Variants in CCL22 observed in about 807,000 individuals in gnomAD.
CCL22 encodes the protein C-C motif chemokine ligand 22.
In CCL22, 7 loss-of-function variants were observed where a neutral mutation model predicts 7.6. That is an observed-to-expected ratio of 0.92 (90% CI 0.52 to 1.72). CCL22 has a LOEUF of 1.72. CCL22 is among the 40% of genes most tolerant of loss of function. CCL22 has a pLI of 0.00. For missense variants in CCL22, 115 were observed against 124.7 expected, an observed-to-expected ratio of 0.92 and a Z score of 0.37; for synonymous variants, 55 against 47.2, an observed-to-expected ratio of 1.17 and a Z score of -0.68.
rs933304717 is a variant in CCL22 at position 57,364,523 on chromosome 16, C to A, written c.*935C>A. On this transcript the variant is annotated 3_prime_UTR_variant, in exon 3 of 3. Coordinates refer to ENST00000219235, the MANE Select transcript of CCL22 (RefSeq NM_002990.5). ...GATGGAGTTTCGCTCTTGTCACCCA[C>A]GCTGGAGTGCAATGGTGTGGTCTTG... 8 of 149,264 alleles carry A rather than the reference C, an allele frequency of 5.4e-5. No individual in the cohort carries two copies. The highest frequency in any genetic ancestry group is 1.0e-4 in the Non-Finnish European group (7 of 67,668). 9.2% of individuals were successfully genotyped at this position (149,264 alleles called of 1,614,324 possible). A position where few individuals can be genotyped will look rare whatever the true frequency, so the allele number is the denominator to read the frequency against.
chr16:57,360,968 A>G (rs936720290), intron 2 of CCL22, among the ~76,000 whole-genome samples: 4 of 150,326 alleles, frequency 2.7e-5, no homozygotes, highest in Non-Finnish European at 6.0e-5. Context: ...CTGGGCAAAA[A>G]TGGATGGTGA....
Position 57,363,714 on chromosome 16 carries a change from CCTGTGG to C in CCL22, c.*131_*136del, listed in dbSNP as rs1902074676. The C allele has an allele frequency of 6.0e-6, 4 of 671,456 alleles. No homozygotes were observed. The highest frequency in any genetic ancestry group is 1.1e-5 in the Non-Finnish European group (4 of 375,548). The allele number at this position is 671,456 out of a possible 1,614,324, so 41.6% of individuals were successfully genotyped here. On this transcript the variant is annotated 3_prime_UTR_variant, in exon 3 of 3. Transcript: ENST00000219235. ...CTCTCTGCATTCCCTGATCTCCATC[CCTGTGG>C]CTGTCACCCTTGGTCACCTCCGTGC... is the stretch of plus-strand genomic sequence containing the variant.
intron 2 of CCL22, among the ~76,000 whole-genome samples, chr16:57,362,751 C>T (rs1230981961): frequency 6.6e-6 from 1 of 152,036 alleles, no homozygotes; most frequent in Non-Finnish European, 1.5e-5. Context: ...ATCCCGGCTA[C>T]TCGGGAGCCT....
intron 1 of CCL22, 55 bp from the exon 2 acceptor site, chr16:57,360,382 G>T (rs567028710): frequency 1.2e-6 from 2 of 1,606,308 alleles, no homozygotes; most frequent in South Asian, 1.1e-5. Flanking sequence ...GGCTGGGGCC[G>T]AGGGTGACCT....
At chr16:57,361,193 A>T (rs1274257312) in intron 2 of CCL22, among the ~76,000 whole-genome samples, 1 of 145,122 alleles carries the variant, frequency 6.9e-6, no homozygotes, top group African/African-American at 2.6e-5. Flanking sequence ...TGGAAGGTGG[A>T]GGTTGCAGTG....
At chr16:57,359,467 C>A (rs1167446388) in intron 1 of CCL22, among the ~76,000 whole-genome samples, 1 of 151,248 alleles carries the variant, frequency 6.6e-6, no homozygotes, top group Admixed American at 6.6e-5. Flanking sequence ...AGGCATGCAC[C>A]ACCACACCTG....
In CCL22 at chr16:57,360,481, T is replaced by A; in HGVS notation, c.118T>A (p.Tyr40Asn). Residue 40 changes from tyrosine (Y) to asparagine (N), a missense_variant, in exon 2 of 3, where the codon TAC becomes AAC. Coordinates refer to ENST00000219235, the MANE Select transcript of CCL22 (RefSeq NM_002990.5). Reference sequence around the variant, plus strand: ...GGAAGACAGCGTCTGCTGCCGTGATTACGTCCGTTACCGTCTGCCCCTGCG... The same window carrying A: ...GGAAGACAGCGTCTGCTGCCGTGATAACGTCCGTTACCGTCTGCCCCTGCG... ...NMEDSVCCRDYVRYRLPLRVV... is the reference protein window; with the variant it reads ...NMEDSVCCRDNVRYRLPLRVV... 6.2e-7 allele frequency: 1 copy of A among 1,614,224 alleles called. No homozygotes were observed. The highest frequency in any genetic ancestry group is 8.5e-7 in the Non-Finnish European group (1 of 1,180,022).
intron 1 of CCL22, among the ~76,000 whole-genome samples, chr16:57,359,281 T>C (rs1188484129): frequency 2.0e-5 from 3 of 152,104 alleles, no homozygotes; most frequent in Non-Finnish European, 4.4e-5. Context: ...CCACCATCCA[T>C]TTTTTAAAAT....
Position 57,358,853 on chromosome 16 carries a change from GTCC to G in CCL22, c.42_44del (p.Leu15del). The G allele has an allele frequency of 1.2e-6, 2 of 1,613,868 alleles. No homozygotes were observed. The highest frequency in any genetic ancestry group is 1.7e-6 in the Non-Finnish European group (2 of 1,179,952). ...ACAGACTGCACTCCTGGTTGTCCTC[GTCC>G]TCCTTGCTGTGGCGCTTCAAGCAAC... On this transcript the variant is annotated inframe_deletion, in exon 1 of 3. Transcript: ENST00000219235.
chr16:57,362,846 G>A (rs1256101900), intron 2 of CCL22, among the ~76,000 whole-genome samples: 2 of 148,300 alleles, frequency 1.3e-5, no homozygotes, highest in Non-Finnish European at 3.0e-5. Flanking sequence ...GGGTGACAGA[G>A]ACTCCATCTC....
At chr16:57,361,647 C>T (rs1417396733) in intron 2 of CCL22, among the ~76,000 whole-genome samples, 3 of 152,222 alleles carry the variant, frequency 2.0e-5, no homozygotes, top group Non-Finnish European at 4.4e-5. Context: ...CTGGGGCCTG[C>T]ACCTGCACCT....
upstream of CCL22, among the ~76,000 whole-genome samples, chr16:57,357,957 T>C (rs1179436039): frequency 6.6e-6 from 1 of 152,158 alleles, no homozygotes; most frequent in African/African-American, 2.4e-5. Context: ...ACGGCAGGGT[T>C]CTGAAGCAGG....
chr16:57,363,079 T>G (rs540907736), intron 2 of CCL22, among the ~76,000 whole-genome samples: 4 of 151,978 alleles, frequency 2.6e-5, no homozygotes, highest in Non-Finnish European at 5.9e-5. Context: ...CACTGCAGCC[T>G]TGACCTCCTG....
upstream of CCL22, among the ~76,000 whole-genome samples, chr16:57,358,186 G>A (rs977547213): frequency 1.3e-5 from 2 of 152,162 alleles, no homozygotes; most frequent in Non-Finnish European, 2.9e-5. Context: ...GGGAGAGCCC[G>A]GCAGCCACTG....
At chr16:57,360,672 G>A in intron 2 of CCL22, 112 bp downstream of exon 2, 1 of 1,272,448 alleles carries the variant, frequency 7.9e-7, no homozygotes, top group Non-Finnish European at 1.1e-6. Context: ...ATGTGGCAGG[G>A]CTACCAGATG....
rs1818629425 is a variant in CCL22 at position 57,363,883 on chromosome 16, C to T, written c.*295C>T. 1 of 303,124 alleles carries T rather than the reference C, an allele frequency of 3.3e-6. No homozygotes were observed. Among genetic ancestry groups the T allele is most frequent in the Admixed American group, 4.5e-5 (1 of 22,158 alleles). The allele number at this position is 303,124 out of a possible 1,614,324, so 18.8% of individuals were successfully genotyped here. A position where few individuals can be genotyped will look rare whatever the true frequency, so the allele number is the denominator to read the frequency against. On this transcript the variant is annotated 3_prime_UTR_variant, in exon 3 of 3. Transcript: ENST00000219235. ...CCCACTGCCCTAAGCTGAGGTCAGTCTCCCAAGCCTGGCATGTGGCCCTCT... is the reference window on the plus strand; with the variant it reads ...CCCACTGCCCTAAGCTGAGGTCAGTTTCCCAAGCCTGGCATGTGGCCCTCT...
At position 57,360,456 on chromosome 16, in the gene CCL22, G is replaced by C; in HGVS notation, c.93G>C (p.Met31Ile). 6.2e-7 allele frequency: 1 copy of C among 1,614,228 alleles called. No homozygotes were observed. The highest frequency in any genetic ancestry group is 1.1e-5 in the South Asian group (1 of 91,078). Residue 31 changes from methionine to isoleucine, a missense_variant, in exon 2 of 3, where the codon ATG becomes ATC. Transcript: ENST00000219235. The part of the protein sequence containing the change: ...ATEAGPYGAN[M>I]EDSVCCRDYV... ...CCCTAGGCCCCTACGGCGCCAACAT[G>C]GAAGACAGCGTCTGCTGCCGTGATT...
intron 1 of CCL22, among the ~76,000 whole-genome samples, 179 bp downstream of exon 1, chr16:57,359,068 G>A (rs2146495690): frequency 6.6e-6 from 1 of 152,290 alleles, no homozygotes; most frequent in African/African-American, 2.4e-5. Context: ...CTGTTGAATG[G>A]GCAGTCTTGA....
intron 2 of CCL22, among the ~76,000 whole-genome samples, chr16:57,362,874 CAAAACAAAACA>C (rs1301160319): frequency 6.6e-6 from 1 of 151,576 alleles, no homozygotes; most frequent in African/African-American, 2.4e-5. Context: ...AAAAACAAAA[CAAAACAAAACA>C]AAAACAAAAA....
Sources: allele counts gnomAD v4.1 joint callset (sites outside exome capture counted in the v4.1 genomes callset), GRCh38; gene constraint gnomAD v4.1.1; transcripts MANE v1.5; gene names NCBI Gene and HGNC (gene_info 2026-07-23, HGNC 2026-07-21).